Variants in DPYD observed in about 807,000 individuals in gnomAD.
DPYD encodes the protein dihydropyrimidine dehydrogenase.
Under a neutral mutation model 116.2 loss-of-function variants are expected in DPYD, and 109 were observed. That is an observed-to-expected ratio of 0.94 (90% CI 0.80 to 1.10). DPYD has a LOEUF of 1.10. DPYD is among the 50% of genes least tolerant of loss of function. The pLI, the probability that DPYD is intolerant of heterozygous loss-of-function variation, is 0.00. For missense variants in DPYD, 1,302 were observed against 1,254.5 expected (o/e 1.04, Z -0.57); for synonymous variants, 440 against 432.0 (o/e 1.02, Z -0.23).
intron 13 of DPYD, among the ~76,000 whole-genome samples, chr1:97,485,224 G>C (rs2101890664): frequency 6.6e-6 from 1 of 152,116 alleles, no homozygotes; most frequent in East Asian, 1.9e-4. Flanking sequence ...TTTAGACAGA[G>C]TCTCGCTCTG....
intron 21 of DPYD, among the ~76,000 whole-genome samples, chr1:97,087,818 C>A (rs891796874): frequency 6.6e-6 from 1 of 152,228 alleles, no homozygotes; most frequent in East Asian, 1.9e-4. Flanking sequence ...TGATAAAATT[C>A]TTTATGGGAT....
chr1:97,381,270 T>C (rs2101559042), intron 15 of DPYD, among the ~76,000 whole-genome samples: 1 of 152,286 alleles, frequency 6.6e-6, no homozygotes, highest in Middle Eastern at 3.4e-3. Context: ...TTGCTTATAA[T>C]TAAAGGCTTT....
chr1:97,178,988 C>T lies in DPYD; in HGVS notation c.2622+14081G>A, dbSNP rs114025273. Among the ~76,000 whole-genome samples, 1,341 of 152,222 alleles carry T rather than the reference C, an allele frequency of 8.8e-3. 26 individuals are homozygous for T. Among genetic ancestry groups the T allele is most frequent in the African/African-American group, 0.03 (1,256 of 41,532 alleles). On this transcript the variant is annotated intron_variant, in intron 20 of 22. Coordinates refer to ENST00000370192, the MANE Select transcript of DPYD (RefSeq NM_000110.4). ...GGAGAATTGAGTGCTAGTGCTTAAA[C>T]GCTTCCAGCCAAAAGAGTCATACAC... is the stretch of plus-strand genomic sequence containing the variant.
chr1:97,420,304 G>C (rs1674512662), intron 14 of DPYD, among the ~76,000 whole-genome samples: 1 of 152,298 alleles, frequency 6.6e-6, no homozygotes, highest in Middle Eastern at 3.4e-3. Flanking sequence ...GAGTGGATCT[G>C]AGCAGCAAAT....
At chr1:97,336,660 G>T (rs1669299288) in intron 16 of DPYD, among the ~76,000 whole-genome samples, 1 of 152,198 alleles carries the variant, frequency 6.6e-6, no homozygotes, top group Admixed American at 6.5e-5. Context: ...TGAGGCAGGA[G>T]AATTGCTTGA....
At chr1:97,183,724 C>A (rs1020525257) in intron 20 of DPYD, among the ~76,000 whole-genome samples, 1 of 151,926 alleles carries the variant, frequency 6.6e-6, no homozygotes, top group Admixed American at 6.6e-5. Context: ...TATATCTTAC[C>A]ATTATTTTAA....
chr1:97,693,677 T>C (rs1189146250), intron 6 of DPYD, among the ~76,000 whole-genome samples: 2 of 151,720 alleles, frequency 1.3e-5, no homozygotes, highest in Non-Finnish European at 2.9e-5. Flanking sequence ...CCTCAAAAGG[T>C]TGAACAGGAA....
At chr1:97,203,672 C>CG (rs1553233136) in intron 19 of DPYD, among the ~76,000 whole-genome samples, 4 of 57,914 alleles carry the variant, frequency 6.9e-5, no homozygotes, top group African/African-American at 2.0e-4. Context: ...ACCCCCCCCC[C>CG]CCAAAAAAAA....
At chr1:97,821,566 C>A (rs1246777249) in intron 3 of DPYD, among the ~76,000 whole-genome samples, 2 of 151,996 alleles carry the variant, frequency 1.3e-5, no homozygotes, top group Non-Finnish European at 2.9e-5. Context: ...GAGATTTGAC[C>A]TAGAGATGAT....
chr1:97,115,089 T>C (rs1651870258), intron 20 of DPYD, among the ~76,000 whole-genome samples: 1 of 152,202 alleles, frequency 6.6e-6, no homozygotes, highest in Non-Finnish European at 1.5e-5. Context: ...AAATAGGATG[T>C]CTTTAAGTTA....
chr1:97,822,881 T>G (rs1669030188), intron 3 of DPYD, among the ~76,000 whole-genome samples: 1 of 152,230 alleles, frequency 6.6e-6, no homozygotes, highest in East Asian at 1.9e-4. Flanking sequence ...TACTTAATCA[T>G]AGTTTGCCAA....
chr1:97,683,863 G>A (rs980857728), intron 7 of DPYD, among the ~76,000 whole-genome samples: 15 of 151,872 alleles, frequency 9.9e-5, no homozygotes, highest in African/African-American at 2.7e-4. Flanking sequence ...TTGTCTACAC[G>A]GGGGAAAAAA....
At chr1:97,330,185 T>C (rs191284764) in intron 16 of DPYD, among the ~76,000 whole-genome samples, 26 of 152,280 alleles carry the variant, frequency 1.7e-4, no homozygotes, top group African/African-American at 6.3e-4. Context: ...AAATAAATAC[T>C]GATTTTCCTG....
intron 8 of DPYD, among the ~76,000 whole-genome samples, chr1:97,616,148 T>G (rs1656254530): frequency 1.3e-5 from 2 of 152,166 alleles, no homozygotes; most frequent in South Asian, 4.1e-4. Context: ...AATGATTTTT[T>G]TTTTTGTCTG....
intron 18 of DPYD, among the ~76,000 whole-genome samples, chr1:97,251,801 C>G (rs1663119865): frequency 6.6e-6 from 1 of 152,226 alleles, no homozygotes; most frequent in Admixed American, 6.5e-5. Flanking sequence ...GCCAGGCATG[C>G]TAAAAATCAC....
intron 3 of DPYD, among the ~76,000 whole-genome samples, chr1:97,761,644 G>A (rs1249351326): frequency 1.3e-5 from 2 of 152,058 alleles, no homozygotes; most frequent in African/African-American, 2.4e-5. Context: ...CCAAACTACT[G>A]TTCAATCAAG....
chr1:97,714,679 T>G (rs1193503934), intron 5 of DPYD, among the ~76,000 whole-genome samples: 2 of 134,880 alleles, frequency 1.5e-5, no homozygotes, highest in Admixed American at 7.4e-5. Context: ...AAAAAACAAC[T>G]AAGCCGTATG....
At chr1:97,283,022 A>C (rs1304143423) in intron 18 of DPYD, among the ~76,000 whole-genome samples, 1 of 152,142 alleles carries the variant, frequency 6.6e-6, no homozygotes, top group African/African-American at 2.4e-5. Flanking sequence ...TGTGATGAAC[A>C]CATGTATGCA....
At chr1:97,094,077 T>A (rs1341135250) in intron 21 of DPYD, among the ~76,000 whole-genome samples, 1 of 152,068 alleles carries the variant, frequency 6.6e-6, no homozygotes, top group Admixed American at 6.6e-5. Context: ...TTTCTCAAGT[T>A]ACTGAAAGTG....
Sources: gnomAD v4.1 joint callset for allele counts (sites outside exome capture counted in the v4.1 genomes callset) on GRCh38, gnomAD v4.1.1 for gene constraint, MANE v1.5 for transcripts, NCBI Gene and HGNC (gene_info 2026-07-23, HGNC 2026-07-21) for gene names.